The following ZNF721 variants were observed in gnomAD, a reference collection of about 807,000 sequenced individuals.
The protein encoded by ZNF721 is zinc finger protein 721.
ZNF721 carries 2 observed loss-of-function variants against 2.4 expected under a neutral mutation model. The observed-to-expected ratio is 0.82, with a 90% confidence interval of 0.34 to 2.58. The LOEUF is 2.58. Ranked by LOEUF, ZNF721 falls within the 30% of genes most tolerant of loss-of-function variation. The pLI, the probability that ZNF721 is intolerant of heterozygous loss-of-function variation, is 0.11. For synonymous variants in ZNF721, 398 were observed against 381.8 expected, an observed-to-expected ratio of 1.04 and a Z score of -0.50; for missense variants, 1,187 against 1,085.5, an observed-to-expected ratio of 1.09 and a Z score of -1.31.
In ZNF721 at chr4:442,606, C is replaced by G. The variant is rs781838685; in HGVS notation, c.1861G>C (p.Asp621His). 1.2e-6 allele frequency: 2 copies of G among 1,613,774 alleles called. No homozygotes were observed. Among genetic ancestry groups the G allele is most frequent in the South Asian group, 2.2e-5 (2 of 91,044 alleles). ...KLYKCEECGK[D>H]FVWYTDLNQQ... ...TTCAGGTCCGTGTACCATACAAAGTCTTTGCCACACTCTTCACATTTGTAA... is the reference window on the plus strand; with the variant it reads ...TTCAGGTCCGTGTACCATACAAAGTGTTTGCCACACTCTTCACATTTGTAA... The change falls in exon 3 of 3, where the codon GAC becomes CAC. Residue 621 changes from aspartate (D) to histidine (H), a missense_variant. Asp to His is a moderately conservative substitution (Grantham distance 81). Coordinates refer to ENST00000511833, the MANE Select transcript of ZNF721 (RefSeq NM_133474.4).
intron 1 of ZNF721, among the ~76,000 whole-genome samples, chr4:494,039 C>A (rs1716087889): frequency 6.6e-6 from 1 of 152,058 alleles, no homozygotes; most frequent in Non-Finnish European, 1.5e-5. Flanking sequence ...CTAGTCTTTT[C>A]TTTTTTCCTG....
rs553461134 is a variant in ZNF721 at position 450,276 on chromosome 4, G to A, written c.35-5844C>T. ...GCCAAGATATGGAATCAATCCAAGTGTCCAGAACTTGGATGAATAAAGAAA... is the reference window on the plus strand; with the variant it reads ...GCCAAGATATGGAATCAATCCAAGTATCCAGAACTTGGATGAATAAAGAAA... On this transcript the variant is annotated intron_variant, in intron 2 of 2. Transcript: ENST00000511833. 6.8e-4 allele frequency among the ~76,000 whole-genome samples: 104 copies of A among 152,262 alleles called. No homozygotes were observed. In the Middle Eastern group the frequency reaches 0.014, roughly 20 times the overall value.
rs375023282 is a variant in ZNF721, at chr4:483,106, G to C, written c.-93-10405C>G. Among the ~76,000 whole-genome samples the C allele has an allele frequency of 2.2e-4, 33 of 152,292 alleles. No individual in the cohort carries two copies. The South Asian group carries it at 4.1e-3, about 19-fold the overall frequency. Reference sequence around the variant, plus strand: ...AATGAAAATAATAAAGTGGGGATGGGGAAGGAGTTGAAGTAGAAATTAAAC... The same window carrying C: ...AATGAAAATAATAAAGTGGGGATGGCGAAGGAGTTGAAGTAGAAATTAAAC... On this transcript the variant is annotated intron_variant, in intron 1 of 2. Transcript: ENST00000511833.
chr4:470,065 G>C (rs1014280350), intron 2 of ZNF721, among the ~76,000 whole-genome samples: 6 of 152,080 alleles, frequency 3.9e-5, no homozygotes, highest in African/African-American at 1.4e-4. Flanking sequence ...TGTATTTTTA[G>C]TAGAGACAGG....
intron 1 of ZNF721, chr4:473,868 G>A (rs781871461): frequency 6.7e-6 from 9 of 1,337,470 alleles, no homozygotes; most frequent in Non-Finnish European, 8.0e-6. Context: ...AGGACCGAGG[G>A]CTAAGCGGCG....
intron 2 of ZNF721, among the ~76,000 whole-genome samples, chr4:454,432 G>C (rs1714779408): frequency 6.6e-6 from 1 of 152,222 alleles, no homozygotes; most frequent in Admixed American, 6.5e-5. Flanking sequence ...GCTGTGTACT[G>C]TTGTGTTGCA....
At chr4:493,285 T>C (rs572792098) in intron 1 of ZNF721, among the ~76,000 whole-genome samples, 2 of 152,306 alleles carry the variant, frequency 1.3e-5, no homozygotes, top group East Asian at 3.9e-4. Context: ...GAACTTAGTT[T>C]ATAGTTTAAC....
chr4:483,874 C>T (rs61793729), intron 1 of ZNF721, among the ~76,000 whole-genome samples: 2 of 152,250 alleles, frequency 1.3e-5, no homozygotes, highest in Non-Finnish European at 2.9e-5. Flanking sequence ...TGCAGTGGCA[C>T]GATCTCAGCT....
chr4:454,509 A>G (rs1714783185), intron 2 of ZNF721, among the ~76,000 whole-genome samples: 1 of 152,170 alleles, frequency 6.6e-6, no homozygotes. Context: ...TGCATACTGA[A>G]TGTTATGTGT....
chr4:458,972 C>A (rs984225582), intron 2 of ZNF721, among the ~76,000 whole-genome samples: 5 of 152,200 alleles, frequency 3.3e-5, no homozygotes, highest in Non-Finnish European at 5.9e-5. Flanking sequence ...AGAAACCCTA[C>A]AAGCCAGAAG....
rs184678477 is a variant in ZNF721 at position 481,692 on chromosome 4, A to C, written c.-93-8991T>G. Reference sequence around the variant, plus strand: ...AATTGCAAGTGATCTATTTGACAGGAGTTAACATCCATTCCATTATCTTTT... The same window carrying C: ...AATTGCAAGTGATCTATTTGACAGGCGTTAACATCCATTCCATTATCTTTT... On this transcript the variant is annotated intron_variant, in intron 1 of 2. Coordinates refer to ENST00000511833, the MANE Select transcript of ZNF721 (RefSeq NM_133474.4). Among the ~76,000 whole-genome samples the C allele has an allele frequency of 2.2e-4, 33 of 151,898 alleles. No individual in the cohort carries two copies. In the South Asian group the frequency reaches 4.1e-3, roughly 19 times the overall value.
chr4:481,613 G>A (rs1408395900), intron 1 of ZNF721, among the ~76,000 whole-genome samples: 1 of 150,580 alleles, frequency 6.6e-6, no homozygotes, highest in Non-Finnish European at 1.5e-5. Flanking sequence ...CTGTCGCCAA[G>A]GCTGGAGTCC....
intron 1 of ZNF721, among the ~76,000 whole-genome samples, chr4:491,436 A>G (rs1716021465): frequency 2.0e-5 from 3 of 152,128 alleles, no homozygotes; most frequent in Non-Finnish European, 4.4e-5. Flanking sequence ...ACAAAACAAA[A>G]ACTGATTTTT....
chr4:484,344 T>C (rs1199658616), intron 1 of ZNF721, among the ~76,000 whole-genome samples: 2 of 152,176 alleles, frequency 1.3e-5, no homozygotes, highest in African/African-American at 2.4e-5. Flanking sequence ...GCATGTGTGT[T>C]TGAGCAATAT....
At chr4:474,625 C>T (rs1553868326) in intron 1 of ZNF721, among the ~76,000 whole-genome samples, 1 of 152,130 alleles carries the variant, frequency 6.6e-6, no homozygotes, top group East Asian at 1.9e-4. Context: ...GCCAGTAATC[C>T]CAAAGCTTTG....
chr4:478,827 T>C (rs1715702444), intron 1 of ZNF721, among the ~76,000 whole-genome samples: 1 of 151,318 alleles, frequency 6.6e-6, no homozygotes, highest in Non-Finnish European at 1.5e-5. Context: ...TGGAGTGCAG[T>C]GGCACGATCT....
At chr4:491,379 T>C (rs535852496) in intron 1 of ZNF721, among the ~76,000 whole-genome samples, 147 of 152,126 alleles carry the variant, frequency 9.7e-4, no homozygotes, top group Non-Finnish European at 1.8e-3. Context: ...GATCGTGCCA[T>C]TGCACTCCAG....
chr4:444,723 A>G (rs558453269), intron 2 of ZNF721, among the ~76,000 whole-genome samples: 56 of 152,328 alleles, frequency 3.7e-4, no homozygotes, highest in African/African-American at 1.2e-3. Flanking sequence ...TTCCTCCCCA[A>G]TATAGCACTA....
Position 444,211 on chromosome 4 carries a change from G to T in ZNF721, c.256C>A (p.Arg86Ser). ...TQSKIFQCNARVKVFSKFANS... is the reference protein window; with the variant it reads ...TQSKIFQCNASVKVFSKFANS... ...GCAAATTTACTAAAAACTTTGACAC[G>T]TGCATTACATTGAAATATTTTGCTC... Residue 86 changes from arginine to serine, a missense_variant, in exon 3 of 3, where the codon CGT becomes AGT. Arg to Ser is a moderately radical substitution (Grantham distance 110). Coordinates refer to ENST00000511833, the MANE Select transcript of ZNF721 (RefSeq NM_133474.4). 6.2e-7 allele frequency: 1 copy of T among 1,613,636 alleles called. No individual in the cohort carries two copies. Among genetic ancestry groups the T allele is most frequent in the Non-Finnish European group, 8.5e-7 (1 of 1,179,692 alleles).
Sources: gnomAD v4.1 joint callset for allele counts (sites outside exome capture counted in the v4.1 genomes callset) on GRCh38, gnomAD v4.1.1 for gene constraint, MANE v1.5 for transcripts, NCBI Gene and HGNC (gene_info 2026-07-23, HGNC 2026-07-21) for gene names.